The following SLC7A5 variants were observed in gnomAD, a reference collection of about 807,000 sequenced individuals.
The protein encoded by SLC7A5 is solute carrier family 7 member 5, also known as large neutral amino acids transporter small subunit 1.
SLC7A5 carries 23 observed loss-of-function variants against 50.2 expected under a neutral mutation model. The ratio of observed to expected loss-of-function variants is 0.46; its 90% CI spans 0.33 to 0.65. The LOEUF (loss-of-function observed/expected upper bound fraction) is 0.65, where lower values mean the gene tolerates loss of function less well. Among genes scored for constraint, SLC7A5 ranks in the 30% least tolerant of loss-of-function variants. SLC7A5 has a pLI of 0.02. For synonymous variants in SLC7A5, 393 were observed against 330.6 expected, an observed-to-expected ratio of 1.19 and a Z score of -2.05; for missense variants, 578 against 684.4, an observed-to-expected ratio of 0.84 and a Z score of 1.73.
At chr16:87,840,384 A>G in intron 4 of SLC7A5, 45 bp downstream of exon 4, 5 of 1,540,602 alleles carry the variant, frequency 3.2e-6, no homozygotes, top group Non-Finnish European at 3.6e-6. Context: ...CCTGCCTCAC[A>G]TTAAAATAAT....
In SLC7A5 at chr16:87,841,143, T is replaced by C. The variant is rs1192822628; in HGVS notation, c.677A>G (p.Asn226Ser). 2 of 1,611,764 alleles carry C rather than the reference T, an allele frequency of 1.2e-6. No individual in the cohort carries two copies. The highest frequency in any genetic ancestry group is 8.5e-7 in the Non-Finnish European group (1 of 1,177,968). ...FVQIGKGDVS[N>S]LDPNFSFEGT... ...TTCAAATGAGAAGTTGGGATCTAGA[T>C]TGGACACATCACCTGGCAGGGCCAA... Residue 226 changes from asparagine to serine, a missense_variant, in exon 3 of 10, where the codon AAT (asparagine) becomes AGT (serine). Asn to Ser is a conservative substitution (Grantham distance 46). Coordinates refer to ENST00000261622, the MANE Select transcript of SLC7A5 (RefSeq NM_003486.7). This position sits in a 1 kb window ranked among gnomAD's most constrained non-coding sequence, Gnocchi z 4.8.
chr16:87,847,931 A>T (rs1297832069), intron 2 of SLC7A5, among the ~76,000 whole-genome samples: 1 of 152,172 alleles, frequency 6.6e-6, no homozygotes, highest in Non-Finnish European at 1.5e-5. Flanking sequence ...GACCGTCCAG[A>T]AGTGCCCTAC....
At chr16:87,859,689 C>T (rs2055364285) in intron 1 of SLC7A5, among the ~76,000 whole-genome samples, 2 of 152,146 alleles carry the variant, frequency 1.3e-5, no homozygotes, top group South Asian at 2.1e-4. Context: ...GCCTGTAATC[C>T]CAGCACTTTG....
In SLC7A5 at chr16:87,832,244, C is replaced by G. The variant is rs540754159; in HGVS notation, c.*726G>C. On this transcript the variant is annotated 3_prime_UTR_variant, in exon 10 of 10. Coordinates refer to ENST00000261622, the MANE Select transcript of SLC7A5 (RefSeq NM_003486.7). The surrounding 1 kb of genome is among the most constrained non-coding windows in gnomAD (Gnocchi z 4.6). ...AGGCCACACTGCCCAGAGGCCAGGCCTGGTGAGCTAGGGGAGATGCCGGCA... is the reference window on the plus strand; with the variant it reads ...AGGCCACACTGCCCAGAGGCCAGGCGTGGTGAGCTAGGGGAGATGCCGGCA... 4.6e-5 allele frequency: 7 copies of G among 152,432 alleles called. No individual in the cohort carries two copies. The East Asian group carries it at 1.4e-3, about 29-fold the overall frequency. The allele number at this position is 152,432 out of a possible 1,614,324, so 9.4% of individuals were successfully genotyped here. A position where few individuals can be genotyped will look rare whatever the true frequency, so the allele number is the denominator to read the frequency against.
Position 87,860,340 on chromosome 16 carries a change from ATACACACACACAC to A in SLC7A5, c.539-8504_539-8492del, listed in dbSNP as rs1308030822. Among the ~76,000 whole-genome samples the A allele has an allele frequency of 2.9e-4, 15 of 52,188 alleles. No individual in the cohort carries two copies. Among genetic ancestry groups the A allele is most frequent in the African/African-American group, 1.4e-3 (13 of 9,446 alleles). The allele number at this position is 52,188 out of a possible 152,430, so 34.2% of individuals were successfully genotyped here. ...AAAAGCATCTCAAAAAAAAAAAAAA[ATACACACACACAC>A]ACACACACACACACACACACACACA... On this transcript the variant is annotated intron_variant, in intron 1 of 9. Transcript: ENST00000261622. The surrounding 1 kb of genome is among the most constrained non-coding windows in gnomAD (Gnocchi z 4.8).
chr16:87,867,912 G>A lies in SLC7A5; in HGVS notation c.538+973C>T, dbSNP rs1306185998. Among the ~76,000 whole-genome samples, 6 of 152,028 alleles carry A rather than the reference G, an allele frequency of 3.9e-5. No individual in the cohort carries two copies. The East Asian group carries it at 9.6e-4, about 24-fold the overall frequency. ...GGGCGGATCACAAGGTCAGGAGATC[G>A]AGACCATCCTGGCTAACACGGTGAA... On this transcript the variant is annotated intron_variant, in intron 1 of 9. Coordinates refer to ENST00000261622, the MANE Select transcript of SLC7A5 (RefSeq NM_003486.7).
intron 8 of SLC7A5, among the ~76,000 whole-genome samples, chr16:87,834,812 G>A (rs1463741897): frequency 6.6e-6 from 1 of 152,240 alleles, no homozygotes; most frequent in Non-Finnish European, 1.5e-5. Context: ...GGCGGCTTAT[G>A]ATGAGGGATG....
At chr16:87,838,657 G>T in intron 6 of SLC7A5, 57 bp downstream of exon 6, 2 of 1,277,650 alleles carry the variant, frequency 1.6e-6, no homozygotes, top group Non-Finnish European at 1.1e-6. Context: ...GGAACATGTT[G>T]AACCTGGCCA....
chr16:87,856,804 C>A (rs746129219), intron 1 of SLC7A5, among the ~76,000 whole-genome samples: 1 of 152,220 alleles, frequency 6.6e-6, no homozygotes, highest in Non-Finnish European at 1.5e-5. Context: ...ACAGCCCCCA[C>A]CATCTCCCGT....
chr16:87,859,029 C>T lies in SLC7A5; in HGVS notation c.539-7180G>A, dbSNP rs547402516. Among the ~76,000 whole-genome samples the T allele has an allele frequency of 3.9e-5, 6 of 152,366 alleles. No individual in the cohort carries two copies. The East Asian group carries it at 7.7e-4, about 20-fold the overall frequency. ...TGCTGCACAAGTGCTCCAGGGGCTC[C>T]TGCCCTGCCCTCCTCACCTGCCCCC... On this transcript the variant is annotated intron_variant, in intron 1 of 9. Transcript: ENST00000261622.
intron 8 of SLC7A5, 140 bp from the exon 9 acceptor site, chr16:87,834,731 A>C: frequency 1.2e-6 from 1 of 848,388 alleles, no homozygotes; most frequent in Non-Finnish European, 1.9e-6. Context: ...TCTGCACTCC[A>C]TCTGCCTCAC....
At chr16:87,867,718 C>T (rs1166197691) in intron 1 of SLC7A5, among the ~76,000 whole-genome samples, 1 of 152,180 alleles carries the variant, frequency 6.6e-6, no homozygotes, top group African/African-American at 2.4e-5. Flanking sequence ...CCGATCCATG[C>T]CATGGGATGA....
intron 2 of SLC7A5, among the ~76,000 whole-genome samples, chr16:87,850,598 G>A (rs1316161151): frequency 6.6e-6 from 1 of 152,214 alleles, no homozygotes; most frequent in Non-Finnish European, 1.5e-5. Context: ...AAGAGAAGGA[G>A]GCCAGCTCCT....
intron 7 of SLC7A5, chr16:87,836,893 G>A: frequency 2.1e-6 from 1 of 480,818 alleles, no homozygotes; most frequent in East Asian, 4.0e-5. Context: ...GGGAAGGAGG[G>A]AGGAGAGGAG....
intron 1 of SLC7A5, among the ~76,000 whole-genome samples, chr16:87,857,348 G>A (rs138823942): frequency 1.2e-4 from 19 of 152,106 alleles, no homozygotes; most frequent in Non-Finnish European, 2.6e-4. Context: ...TCTACCTCCC[G>A]AGTAGCTGCA....
At chr16:87,856,428 G>A (rs1278085284) in intron 1 of SLC7A5, among the ~76,000 whole-genome samples, 1 of 152,236 alleles carries the variant, frequency 6.6e-6, no homozygotes, top group Admixed American at 6.5e-5. Context: ...CCCCCAGGGT[G>A]CACCGGGCAC....
rs1227006388 is a variant in SLC7A5 at position 87,840,345 on chromosome 16, A to G, written c.815+84T>C. 5 of 1,271,006 alleles carry G rather than the reference A, an allele frequency of 3.9e-6. No individual in the cohort carries two copies. In the South Asian group the frequency reaches 5.9e-5, roughly 15 times the overall value. 78.7% of individuals were successfully genotyped at this position (1,271,006 alleles called of 1,614,324 possible). A position where few individuals can be genotyped will look rare whatever the true frequency, so the allele number is the denominator to read the frequency against. ...GACTGTGAACTGGCCTGAGCCGACC[A>G]ACAGGCTTCGAGTGGAATGTGGCTG... On this transcript the variant is annotated intron_variant, in intron 4 of 9. Transcript: ENST00000261622.
chr16:87,840,003 G>C (rs1313422864), intron 4 of SLC7A5, among the ~76,000 whole-genome samples, 178 bp from the exon 5 acceptor site: 4 of 152,232 alleles, frequency 2.6e-5, no homozygotes, highest in Non-Finnish European at 1.5e-5. Context: ...TGTGCCTGGA[G>C]CGGGACACTG....
chr16:87,850,213 G>C (rs113524895), intron 2 of SLC7A5, among the ~76,000 whole-genome samples: 2 of 152,312 alleles, frequency 1.3e-5, no homozygotes, highest in African/African-American at 4.8e-5. Context: ...TGGGTGCTGC[G>C]GGGCACTGTT....
Sources: gnomAD v4.1 joint callset for allele counts (sites outside exome capture counted in the v4.1 genomes callset) on GRCh38, gnomAD v4.1.1 for gene constraint, Gnocchi (gnomAD v3.1) non-coding constraint, MANE v1.5 for transcripts, NCBI Gene and HGNC (gene_info 2026-07-23, HGNC 2026-07-21) for gene names.